Variants in RGL1 observed in about 807,000 individuals in gnomAD.
The protein encoded by RGL1 is ral guanine nucleotide dissociation stimulator like 1.
A neutral mutation model predicts 95.2 loss-of-function variants in RGL1; 24 were observed. The ratio of observed to expected loss-of-function variants is 0.25; its 90% CI spans 0.18 to 0.35. The LOEUF (loss-of-function observed/expected upper bound fraction) is 0.35. Among genes scored for constraint, RGL1 ranks in the 10% least tolerant of loss-of-function variants. RGL1 has a pLI of 1.00. For missense variants in RGL1, 715 were observed against 936.3 expected (o/e 0.76, Z 3.08); for synonymous variants, 329 against 344.9 (o/e 0.95, Z 0.51).
intron 3 of RGL1, among the ~76,000 whole-genome samples, 200 bp from the exon 4 acceptor site, chr1:183,865,796 C>G (rs41263648): frequency 0.15 from 23,002 of 152,228 alleles, 2,394 homozygotes; most frequent in African/African-American, 0.28. Flanking sequence ...TGTTAAATGA[C>G]TTTTCTGTTT....
chr1:183,656,523 A>G (rs1490270895), intron 1 of RGL1, among the ~76,000 whole-genome samples: 1 of 152,216 alleles, frequency 6.6e-6, no homozygotes, highest in Non-Finnish European at 1.5e-5. Context: ...CTGTGTTCAA[A>G]TCAGGGAAAT....
At chr1:183,864,567 C>T (rs1357249661) in intron 3 of RGL1, among the ~76,000 whole-genome samples, 1 of 152,188 alleles carries the variant, frequency 6.6e-6, no homozygotes, top group East Asian at 1.9e-4. Context: ...TATTAGGAAT[C>T]TTGTTTTCCA....
intron 1 of RGL1, among the ~76,000 whole-genome samples, chr1:183,721,717 G>C (rs1029882082): frequency 6.6e-6 from 1 of 152,062 alleles, no homozygotes; most frequent in African/African-American, 2.4e-5. Context: ...TGGCCACCTT[G>C]GATACTGTTT....
upstream of RGL1, among the ~76,000 whole-genome samples, chr1:183,804,742 G>A (rs1045729943): frequency 1.3e-5 from 2 of 152,296 alleles, no homozygotes; most frequent in East Asian, 1.9e-4. Flanking sequence ...ACTTCCTGGC[G>A]TCTAGTATTG....
intron 17 of RGL1, among the ~76,000 whole-genome samples, chr1:183,922,876 G>GT (rs2102761561): frequency 6.6e-6 from 1 of 152,266 alleles, no homozygotes; most frequent in East Asian, 1.9e-4. Flanking sequence ...CAAAGAACTG[G>GT]TAATCTATGA....
chr1:183,699,400 C>T (rs946065659), intron 1 of RGL1, among the ~76,000 whole-genome samples: 1 of 152,146 alleles, frequency 6.6e-6, no homozygotes, highest in Non-Finnish European at 1.5e-5. Flanking sequence ...TATCTCTATG[C>T]CCACCTTACA....
intron 1 of RGL1, among the ~76,000 whole-genome samples, chr1:183,710,495 G>A (rs1655194353): frequency 6.6e-6 from 1 of 152,150 alleles, no homozygotes; most frequent in Admixed American, 6.5e-5. Flanking sequence ...TTTGGCAGGT[G>A]TTTCCCAGGT....
At chr1:183,708,264 A>G (rs1218496884) in intron 1 of RGL1, among the ~76,000 whole-genome samples, 3 of 152,114 alleles carry the variant, frequency 2.0e-5, no homozygotes, top group Non-Finnish European at 4.4e-5. Flanking sequence ...TCGGGAGAAC[A>G]GGGAAAAGGA....
chr1:183,767,342 A>C (rs1240725612), intron 2 of RGL1, among the ~76,000 whole-genome samples: 1 of 152,184 alleles, frequency 6.6e-6, no homozygotes, highest in Non-Finnish European at 1.5e-5. Flanking sequence ...TTAAAAGCAA[A>C]AACAGATAAA....
chr1:183,813,238 A>G (rs1309225860), intron 2 of RGL1, among the ~76,000 whole-genome samples: 3 of 152,172 alleles, frequency 2.0e-5, no homozygotes, highest in African/African-American at 7.2e-5. Context: ...CTGGTTTCAA[A>G]GAGCAGGTCA....
rs149483035 is a variant in RGL1, at chr1:183,898,303, T to C, written c.1230+406T>C. ...ACATGGTGACCAAGGAGAAAGAGTGTCTTCTCCACAGGGCCCTGGTCCTTG... is the reference window on the plus strand; with the variant it reads ...ACATGGTGACCAAGGAGAAAGAGTGCCTTCTCCACAGGGCCCTGGTCCTTG... On this transcript the variant is annotated intron_variant, in intron 10 of 17. Transcript: ENST00000360851. 4.7e-3 allele frequency among the ~76,000 whole-genome samples: 723 copies of C among 152,252 alleles called. 3 individuals are homozygous for C. The highest frequency in any genetic ancestry group is 0.012 in the South Asian group (58 of 4,820).
intron 9 of RGL1, among the ~76,000 whole-genome samples, chr1:183,897,077 G>A (rs192142967): frequency 8.5e-5 from 13 of 152,324 alleles, no homozygotes; most frequent in Admixed American, 6.5e-4. Context: ...GGCCAAGATC[G>A]AGAAATCACA....
At chr1:183,784,940 G>T (rs771343410) in intron 2 of RGL1, among the ~76,000 whole-genome samples, 5 of 152,234 alleles carry the variant, frequency 3.3e-5, no homozygotes, top group Middle Eastern at 3.4e-3. Context: ...AACTATATGA[G>T]TAAAATTCAT....
intron 2 of RGL1, among the ~76,000 whole-genome samples, chr1:183,787,530 A>G (rs1390726856): frequency 1.3e-5 from 2 of 152,204 alleles, no homozygotes; most frequent in African/African-American, 4.8e-5. Flanking sequence ...GTCCCCAGAC[A>G]TGTGCCAGAC....
chr1:183,817,690 C>T (rs1662178891), intron 2 of RGL1, among the ~76,000 whole-genome samples: 1 of 152,192 alleles, frequency 6.6e-6, no homozygotes, highest in African/African-American at 2.4e-5. Flanking sequence ...TACAAAGATG[C>T]TTAATAAGTG....
At chr1:183,805,971 C>CTTTTT (rs751229707) in intron 1 of RGL1, among the ~76,000 whole-genome samples, 88 of 74,500 alleles carry the variant, frequency 1.2e-3, no homozygotes, top group East Asian at 2.4e-3. Flanking sequence ...CTTTTCTTTT[C>CTTTTT]TTTTTTTTTT....
chr1:183,645,058 A>G (rs1373605057), intron 1 of RGL1, among the ~76,000 whole-genome samples: 1 of 152,202 alleles, frequency 6.6e-6, no homozygotes, highest in Non-Finnish European at 1.5e-5. Flanking sequence ...AGTCACCACT[A>G]CTAAAGCAGA....
intron 1 of RGL1, among the ~76,000 whole-genome samples, chr1:183,686,261 C>A (rs1341111346): frequency 1.3e-5 from 2 of 152,068 alleles, no homozygotes; most frequent in Non-Finnish European, 2.9e-5. Context: ...AGTAATCATT[C>A]CTGATAAACT....
intron 3 of RGL1, among the ~76,000 whole-genome samples, chr1:183,861,646 A>G (rs928564599): frequency 2.6e-5 from 4 of 152,200 alleles, no homozygotes; most frequent in African/African-American, 9.7e-5. Flanking sequence ...TCATTCTGAC[A>G]ATTTTTATTT....
Sources: gnomAD v4.1 joint callset for allele counts (sites outside exome capture counted in the v4.1 genomes callset) on GRCh38, gnomAD v4.1.1 for gene constraint, MANE v1.5 for transcripts, NCBI Gene and HGNC (gene_info 2026-07-23, HGNC 2026-07-21) for gene names.